The following NOL9 variants were observed in gnomAD, a reference collection of about 807,000 sequenced individuals.
The protein encoded by NOL9 is nucleolar protein 9, also known as polynucleotide 5'-hydroxyl-kinase NOL9.
A neutral mutation model predicts 67.9 loss-of-function variants in NOL9; 28 were observed. The observed-to-expected ratio is 0.41, with a 90% confidence interval of 0.31 to 0.57. NOL9 has a LOEUF of 0.57. Ranked by LOEUF, NOL9 falls within the 20% of genes least tolerant of loss-of-function variation. The pLI is 0.25. For missense variants in NOL9, 777 were observed against 897.0 expected, an observed-to-expected ratio of 0.87 and a Z score of 1.71; for synonymous variants, 356 against 352.2, an observed-to-expected ratio of 1.01 and a Z score of -0.12.
chr1:6,543,864 G>A (rs544843141), intron 5 of NOL9, among the ~76,000 whole-genome samples: 11 of 152,182 alleles, frequency 7.2e-5, no homozygotes, highest in African/African-American at 2.4e-4. Context: ...GGTGGCTCAC[G>A]CCTGTAATCC....
intron 1 of NOL9, among the ~76,000 whole-genome samples, chr1:6,551,347 A>G (rs1483097248): frequency 6.6e-6 from 1 of 152,076 alleles, no homozygotes; most frequent in Non-Finnish European, 1.5e-5. Context: ...TGGGAGAAGG[A>G]GGTGGGGGGA....
rs1047587500 is a variant in NOL9, at chr1:6,523,262, G to T, written c.*2592C>A. 3 of 151,940 alleles carry T rather than the reference G, an allele frequency of 2.0e-5. No individual in the cohort carries two copies. The highest frequency in any genetic ancestry group is 4.4e-5 in the Non-Finnish European group (3 of 68,046). The allele number at this position is 151,940 out of a possible 1,614,324, so 9.4% of individuals were successfully genotyped here. A position where few individuals can be genotyped will look rare whatever the true frequency, so the allele number is the denominator to read the frequency against. Reference sequence around the variant, plus strand: ...TGGAAATGATAAAAAGTCCAATCTTGTCCTTCTTCTAAATGCCCTTAAAGC... The same window carrying T: ...TGGAAATGATAAAAAGTCCAATCTTTTCCTTCTTCTAAATGCCCTTAAAGC... On this transcript the variant is annotated 3_prime_UTR_variant, in exon 12 of 12. Transcript: ENST00000377705.
intron 9 of NOL9, among the ~76,000 whole-genome samples, chr1:6,529,826 T>G (rs1244680180): frequency 6.6e-6 from 1 of 151,920 alleles, no homozygotes; most frequent in Non-Finnish European, 1.5e-5. Flanking sequence ...CTTGGGAGGC[T>G]GAGGCACAAG....
Position 6,554,088 on chromosome 1 carries a change from A to G in NOL9, c.396+19T>C. On this transcript the variant is annotated intron_variant, in intron 1 of 11. Coordinates refer to ENST00000377705, the MANE Select transcript of NOL9 (RefSeq NM_024654.5). ...GCCCTCCCTGCCCTCGGGGACTACT[A>G]CCGGCGCCCCCCACCTACCTGCTCG... 6.6e-7 allele frequency: 1 copy of G among 1,510,750 alleles called. No homozygotes were observed. Among genetic ancestry groups the G allele is most frequent in the South Asian group, 1.2e-5 (1 of 81,302 alleles). 93.6% of individuals were successfully genotyped at this position (1,510,750 alleles called of 1,614,324 possible). A position where few individuals can be genotyped will look rare whatever the true frequency, so the allele number is the denominator to read the frequency against.
At chr1:6,548,049 C>G in intron 3 of NOL9, 1 of 265,202 alleles carries the variant, frequency 3.8e-6, no homozygotes, top group South Asian at 4.5e-5. Flanking sequence ...TTGTTTGTCT[C>G]TGTACCAAGA....
At chr1:6,548,975 G>C (rs1639482083) in intron 3 of NOL9, among the ~76,000 whole-genome samples, 1 of 152,108 alleles carries the variant, frequency 6.6e-6, no homozygotes, top group African/African-American at 2.4e-5. Context: ...CTAGCTACTT[G>C]GGAGGCTGAG....
intron 3 of NOL9, chr1:6,547,994 C>CACCGTCAT (rs1557793383): frequency 4.2e-4 from 128 of 302,994 alleles, no homozygotes; most frequent in African/African-American, 2.3e-3. Context: ...TCCTACAATA[C>CACCGTCAT]AGGCTCTAAC....
intron 6 of NOL9, among the ~76,000 whole-genome samples, chr1:6,540,029 A>C (rs1471065932): frequency 6.6e-6 from 1 of 152,068 alleles, no homozygotes; most frequent in Admixed American, 6.6e-5. Flanking sequence ...CTTGCTGCCC[A>C]GACTGGAGTG....
chr1:6,544,461 T>C (rs1639369594), intron 5 of NOL9, among the ~76,000 whole-genome samples: 1 of 151,666 alleles, frequency 6.6e-6, no homozygotes, highest in Non-Finnish European at 1.5e-5. Flanking sequence ...TTCAAGACTA[T>C]GAGGTATGAC....
chr1:6,553,520 C>A (rs1455948407), intron 1 of NOL9, among the ~76,000 whole-genome samples: 2 of 72,554 alleles, frequency 2.8e-5, no homozygotes, highest in Non-Finnish European at 3.4e-5. Context: ...TCAGTAATTG[C>A]AACCTTTTTT....
chr1:6,553,596 C>T (rs776929591), intron 1 of NOL9, among the ~76,000 whole-genome samples: 1 of 151,650 alleles, frequency 6.6e-6, no homozygotes, highest in Non-Finnish European at 1.5e-5. Flanking sequence ...AATCCCAGCA[C>T]TTTGAGAGGC....
At chr1:6,549,316 T>C in intron 3 of NOL9, 1 of 338,972 alleles carries the variant, frequency 3.0e-6, no homozygotes, top group Non-Finnish European at 5.5e-6. Context: ...AGCATGGTGT[T>C]AATAAAAACC....
rs1176284199 is a variant in NOL9, at chr1:6,522,912, C to T, written c.*2942G>A. ...AAAAAAAAAAAAAAAGAAATTGCTT[C>T]AGCACTTTGGGAGGCCGAGGCAAGC... On this transcript the variant is annotated 3_prime_UTR_variant, in exon 12 of 12. Coordinates refer to ENST00000377705, the MANE Select transcript of NOL9 (RefSeq NM_024654.5). 1.5e-5 allele frequency: 2 copies of T among 133,912 alleles called. No homozygotes were observed. The highest frequency in any genetic ancestry group is 2.2e-4 in the East Asian group (1 of 4,452). The allele number at this position is 133,912 out of a possible 1,614,324, so 8.3% of individuals were successfully genotyped here.
chr1:6,553,019 T>C (rs946816487), intron 1 of NOL9, among the ~76,000 whole-genome samples: 7 of 151,784 alleles, frequency 4.6e-5, no homozygotes, highest in African/African-American at 1.7e-4. Flanking sequence ...ACCATGTTGG[T>C]CAGGCTGGTC....
chr1:6,531,900 C>T, intron 9 of NOL9, 68 bp downstream of exon 9: 1 of 1,222,722 alleles, frequency 8.2e-7, no homozygotes, highest in Non-Finnish European at 1.2e-6. Flanking sequence ...AGGAGAGCGC[C>T]CAGCACACAG....
In NOL9 at chr1:6,524,708, T is replaced by C. The variant is rs1475913145; in HGVS notation, c.*1146A>G. 2 of 152,158 alleles carry C rather than the reference T, an allele frequency of 1.3e-5. No homozygotes were observed. The highest frequency in any genetic ancestry group is 3.8e-4 in the East Asian group (2 of 5,200). The allele number at this position is 152,158 out of a possible 1,614,324, so 9.4% of individuals were successfully genotyped here. Reference sequence around the variant, plus strand: ...GAAGTCAATTTGGACAAATCTACTTTTATAAGAGCCCCCAGAAGAGGTTTT... The same window carrying C: ...GAAGTCAATTTGGACAAATCTACTTCTATAAGAGCCCCCAGAAGAGGTTTT... On this transcript the variant is annotated 3_prime_UTR_variant, in exon 12 of 12. Coordinates refer to ENST00000377705, the MANE Select transcript of NOL9 (RefSeq NM_024654.5).
In NOL9 at chr1:6,532,045, T is replaced by TG. The variant is rs1639040822; in HGVS notation, c.1569dup (p.Ile524HisfsTer6). 6.2e-7 allele frequency: 1 copy of TG among 1,614,096 alleles called. No homozygotes were observed. ...TGCAGCTGGCTAAGGTAACTCAAGA[T>TG]GGACAGATCTCGAAGAATTTTGTTA... On this transcript the variant is annotated frameshift_variant, in exon 9 of 12. Transcript: ENST00000377705. LOFTEE classifies it high-confidence loss of function.
chr1:6,530,357 C>T (rs1425860688), intron 9 of NOL9, among the ~76,000 whole-genome samples: 3 of 151,620 alleles, frequency 2.0e-5, no homozygotes, highest in Non-Finnish European at 2.9e-5. Context: ...GGGAGGCTGA[C>T]GCAGGAGAAT....
At chr1:6,546,222 C>T (rs887076963) in intron 3 of NOL9, among the ~76,000 whole-genome samples, 4 of 152,090 alleles carry the variant, frequency 2.6e-5, no homozygotes, top group African/African-American at 9.7e-5. Flanking sequence ...GAAATATGAA[C>T]AGTGGTGGTG....
Sources: allele counts gnomAD v4.1 joint callset (sites outside exome capture counted in the v4.1 genomes callset), GRCh38; gene constraint gnomAD v4.1.1; transcripts MANE v1.5; gene names NCBI Gene and HGNC (gene_info 2026-07-23, HGNC 2026-07-21).